Variants in AGAP1 observed in about 807,000 individuals in gnomAD.
AGAP1 encodes the protein arf-GAP with GTPase, ANK repeat and PH domain-containing protein 1.
Under a neutral mutation model 105.3 loss-of-function variants are expected in AGAP1, and 29 were observed. The observed-to-expected ratio is 0.28, with a 90% CI of 0.21 to 0.38. The LOEUF is 0.38. Ranked by LOEUF, AGAP1 falls within the 10% of genes least tolerant of loss-of-function variation. AGAP1 has a pLI of 1.00. For missense variants in AGAP1, 998 were observed against 1,165.1 expected (o/e 0.86, Z 2.09); for synonymous variants, 509 against 485.9 (o/e 1.05, Z -0.63).
Position 235,799,250 on chromosome 2 carries a change from TCCCATGC to T in AGAP1, c.802-116_802-110del. On this transcript the variant is annotated intron_variant, in intron 7 of 17. Transcript: ENST00000304032. This position sits in a 1 kb window ranked among gnomAD's most constrained non-coding sequence, Gnocchi z 5.0. ...AAAGCCATAGACGCAAGTCAGCCAT[TCCCATGC>T]ATCCCTTCCATGGGGCTCATGCTCA... 1 of 1,187,904 alleles carries T rather than the reference TCCCATGC, an allele frequency of 8.4e-7. No individual in the cohort carries two copies. Among genetic ancestry groups the T allele is most frequent in the Non-Finnish European group, 1.2e-6 (1 of 833,070 alleles). The allele number at this position is 1,187,904 out of a possible 1,614,324, so 73.6% of individuals were successfully genotyped here. A position where few individuals can be genotyped will look rare whatever the true frequency, so the allele number is the denominator to read the frequency against.
chr2:236,113,100 C>T lies in AGAP1; in HGVS notation c.2115-7092C>T, dbSNP rs1466859180. On this transcript the variant is annotated intron_variant, in intron 16 of 17. Coordinates refer to ENST00000304032, the MANE Select transcript of AGAP1 (RefSeq NM_001037131.3). The surrounding 1 kb of genome is among the most constrained non-coding windows in gnomAD (Gnocchi z 4.3). ...GATTTCCCAAAATACGGCCACCACT[C>T]TGCCGTCACGTGTGCATCTTGTTCC... Among the ~76,000 whole-genome samples, 1 of 152,242 alleles carries T rather than the reference C, an allele frequency of 6.6e-6. No individual in the cohort carries two copies. The highest frequency in any genetic ancestry group is 1.5e-5 in the Non-Finnish European group (1 of 68,048).
At chr2:236,108,727 G>A (rs770723356) in intron 16 of AGAP1, among the ~76,000 whole-genome samples, 6 of 152,092 alleles carry the variant, frequency 3.9e-5, no homozygotes, top group African/African-American at 7.2e-5. Context: ...CCACATTTGT[G>A]AGATTTGAAG....
intron 1 of AGAP1, among the ~76,000 whole-genome samples, chr2:235,534,460 G>T (rs1943144548): frequency 6.6e-6 from 1 of 152,184 alleles, no homozygotes; most frequent in Non-Finnish European, 1.5e-5. Context: ...AGTGCCCGAG[G>T]ATGGGTGTGC....
chr2:235,903,604 G>T (rs536829369), intron 10 of AGAP1, among the ~76,000 whole-genome samples: 15 of 152,178 alleles, frequency 9.9e-5, no homozygotes, highest in Non-Finnish European at 1.9e-4. Context: ...AACTTCAAGT[G>T]CCAAAGGCCC....
At chr2:235,676,834 A>T (rs1948764823) in intron 1 of AGAP1, among the ~76,000 whole-genome samples, 2 of 152,216 alleles carry the variant, frequency 1.3e-5, no homozygotes, top group African/African-American at 4.8e-5. Context: ...AGTTATAGTT[A>T]TTGAGGGTAG....
intron 16 of AGAP1, among the ~76,000 whole-genome samples, chr2:236,116,610 A>G (rs1325530554): frequency 1.3e-5 from 2 of 152,054 alleles, no homozygotes; most frequent in Non-Finnish European, 2.9e-5. Flanking sequence ...CGGCCTCCCA[A>G]AGTGCTGAGA....
At position 235,782,588 on chromosome 2, in the gene AGAP1, T is replaced by A. The variant is rs537321225; in HGVS notation, c.674-15171T>A. Among the ~76,000 whole-genome samples the A allele has an allele frequency of 3.0e-4, 45 of 152,212 alleles. 1 individual carries two copies. In the South Asian group the frequency reaches 8.7e-3, roughly 29 times the overall value. On this transcript the variant is annotated intron_variant, in intron 6 of 17. Transcript: ENST00000304032. Reference sequence around the variant, plus strand: ...TTCTTTTTGTCTATGCTTGTTGTTTTTTTCCCCCTTCAAAATGAATTTGCA... The same window carrying A: ...TTCTTTTTGTCTATGCTTGTTGTTTATTTCCCCCTTCAAAATGAATTTGCA...
rs1951297758 is a variant in AGAP1 at position 235,719,949 on chromosome 2, G to T, written c.310+2305G>T. On this transcript the variant is annotated intron_variant, in intron 3 of 17. Coordinates refer to ENST00000304032, the MANE Select transcript of AGAP1 (RefSeq NM_001037131.3). This position sits in a 1 kb window ranked among gnomAD's most constrained non-coding sequence, Gnocchi z 4.9. ...GTCCTGCTGAATTCATGCTTCTCAT[G>T]GCTGAGCCACCTTTCCCGTGTAGAA... is the stretch of plus-strand genomic sequence containing the variant. 6.6e-6 allele frequency among the ~76,000 whole-genome samples: 1 copy of T among 152,146 alleles called. No homozygotes were observed. Among genetic ancestry groups the T allele is most frequent in the African/African-American group, 2.4e-5 (1 of 41,410 alleles).
chr2:235,553,817 C>T lies in AGAP1; in HGVS notation c.163+58968C>T, dbSNP rs13399793. Among the ~76,000 whole-genome samples, 2 of 152,158 alleles carry T rather than the reference C, an allele frequency of 1.3e-5. No individual in the cohort carries two copies. The highest frequency in any genetic ancestry group is 3.9e-4 in the East Asian group (2 of 5,170). On this transcript the variant is annotated intron_variant, in intron 1 of 17. Coordinates refer to ENST00000304032, the MANE Select transcript of AGAP1 (RefSeq NM_001037131.3). This position sits in a 1 kb window ranked among gnomAD's most constrained non-coding sequence, Gnocchi z 4.5. Reference sequence around the variant, plus strand: ...ACTCCTCATGCTGAGCAACTGACGTCGTATTTCCACCCGACAATGGCTTGA... The same window carrying T: ...ACTCCTCATGCTGAGCAACTGACGTTGTATTTCCACCCGACAATGGCTTGA...
rs892572025 is a variant in AGAP1 at position 235,864,048 on chromosome 2, G to A, written c.1051-19297G>A. The stretch of plus-strand genomic sequence containing the variant: ...AAGTCGACTTCATAGCTTGCCTGGT[G>A]TGCTCGGTTTTGACTCTATAGATCT... On this transcript the variant is annotated intron_variant, in intron 9 of 17. Transcript: ENST00000304032. The surrounding 1 kb of genome is among the most constrained non-coding windows in gnomAD (Gnocchi z 5.0). Among the ~76,000 whole-genome samples the A allele has an allele frequency of 1.3e-5, 2 of 152,212 alleles. No homozygotes were observed. The highest frequency in any genetic ancestry group is 1.9e-4 in the East Asian group (1 of 5,194).
At position 235,973,898 on chromosome 2, in the gene AGAP1, A is replaced by G. The variant is rs13426986; in HGVS notation, c.1645+5275A>G. ...AAGTTCAAGGGTATGTGCCAGGGAA[A>G]AGCGCCTGGGCAGTGGGATTTTGCA... is the stretch of plus-strand genomic sequence containing the variant. On this transcript the variant is annotated intron_variant, in intron 13 of 17. Transcript: ENST00000304032. This position sits in a 1 kb window ranked among gnomAD's most constrained non-coding sequence, Gnocchi z 4.7. 0.021 allele frequency among the ~76,000 whole-genome samples: 3,125 copies of G among 152,218 alleles called. 105 individuals carry two copies. Among genetic ancestry groups the G allele is most frequent in the African/African-American group, 0.072 (2,976 of 41,514 alleles).
intron 1 of AGAP1, among the ~76,000 whole-genome samples, chr2:235,661,885 C>G (rs980523358): frequency 3.9e-5 from 6 of 152,132 alleles, no homozygotes; most frequent in African/African-American, 1.4e-4. Context: ...GGAGGCAGCT[C>G]TGAGTTGGGA....
At chr2:236,034,224 A>G (rs185712832) in intron 13 of AGAP1, among the ~76,000 whole-genome samples, 47 of 152,320 alleles carry the variant, frequency 3.1e-4, no homozygotes, top group African/African-American at 1.1e-3. Flanking sequence ...CACAGATGCA[A>G]TGGCTCAGCC....
chr2:235,780,982 C>T (rs1400099772), intron 6 of AGAP1, among the ~76,000 whole-genome samples: 1 of 152,120 alleles, frequency 6.6e-6, no homozygotes, highest in Non-Finnish European at 1.5e-5. Context: ...TGCAGCCACT[C>T]TTTGCTAAAT....
chr2:236,094,968 G>A (rs1246004213), intron 16 of AGAP1, among the ~76,000 whole-genome samples: 8 of 148,934 alleles, frequency 5.4e-5, no homozygotes, highest in African/African-American at 1.7e-4. Context: ...GTGCAGCGGC[G>A]CATGCCTGTG....
At chr2:235,681,072 C>T (rs1365145091) in intron 1 of AGAP1, among the ~76,000 whole-genome samples, 2 of 152,072 alleles carry the variant, frequency 1.3e-5, no homozygotes, top group Admixed American at 6.6e-5. Flanking sequence ...GCAGTGGCGC[C>T]ATCTCGGCTC....
At chr2:235,644,948 T>A (rs1026681907) in intron 1 of AGAP1, among the ~76,000 whole-genome samples, 2 of 150,970 alleles carry the variant, frequency 1.3e-5, no homozygotes, top group African/African-American at 4.9e-5. Flanking sequence ...CAGACTGGAG[T>A]GCAATGGCGC....
At chr2:236,039,074 G>GT (rs1426824135) in intron 14 of AGAP1, among the ~76,000 whole-genome samples, 3 of 152,110 alleles carry the variant, frequency 2.0e-5, no homozygotes, top group African/African-American at 7.2e-5. Context: ...CAAGCTTATT[G>GT]TAACTGTCCT....
chr2:235,874,428 C>T lies in AGAP1; in HGVS notation c.1051-8917C>T, dbSNP rs1463855413. ...GTTGGCTTAACTGGGGGCGCTGCAG[C>T]AGCTTCTCAGACATGGCTGCCCTCA... On this transcript the variant is annotated intron_variant, in intron 9 of 17. Coordinates refer to ENST00000304032, the MANE Select transcript of AGAP1 (RefSeq NM_001037131.3). This position sits in a 1 kb window ranked among gnomAD's most constrained non-coding sequence, Gnocchi z 4.5. Among the ~76,000 whole-genome samples, 1 of 152,236 alleles carries T rather than the reference C, an allele frequency of 6.6e-6. No individual in the cohort carries two copies. Among genetic ancestry groups the T allele is most frequent in the Admixed American group, 6.5e-5 (1 of 15,286 alleles).
Sources: gnomAD v4.1 joint callset for allele counts (sites outside exome capture counted in the v4.1 genomes callset) on GRCh38, gnomAD v4.1.1 for gene constraint, Gnocchi (gnomAD v3.1) non-coding constraint, MANE v1.5 for transcripts, NCBI Gene and HGNC (gene_info 2026-07-23, HGNC 2026-07-21) for gene names.